KCNQ1: variants seen among roughly 807,000 people sequenced by gnomAD.
The protein encoded by KCNQ1 is potassium voltage-gated channel subfamily KQT member 1.
A neutral mutation model predicts 72.4 loss-of-function variants in KCNQ1; 49 were observed. That is an observed-to-expected ratio of 0.68 (90% confidence interval 0.54 to 0.86). KCNQ1 has a LOEUF of 0.86. Among genes scored for constraint, KCNQ1 ranks in the 40% least tolerant of loss-of-function variants. The pLI is 0.00. For synonymous variants in KCNQ1, 450 were observed against 412.6 expected (o/e 1.09, Z -1.10); for missense variants, 790 against 945.1 (o/e 0.84, Z 2.15).
Position 2,612,498 on chromosome 11 carries a change from T to G in KCNQ1, c.1393+23644T>G. The G allele has an allele frequency of 2.5e-6, 1 of 398,160 alleles. No homozygotes were observed. Among genetic ancestry groups the G allele is most frequent in the Non-Finnish European group, 4.4e-6 (1 of 226,050 alleles). 24.7% of individuals were successfully genotyped at this position (398,160 alleles called of 1,614,324 possible). A position where few individuals can be genotyped will look rare whatever the true frequency, so the allele number is the denominator to read the frequency against. The stretch of plus-strand genomic sequence containing the variant: ...TGGATCTGCGTTGAAGTTCATTGAT[T>G]CTTTCTTCTGCCAGGTCAAATTTGC... On this transcript the variant is annotated intron_variant, in intron 10 of 15. Transcript: ENST00000155840. This position sits in a 1 kb window ranked among gnomAD's most constrained non-coding sequence, Gnocchi z 5.5.
rs935245026 is a variant in KCNQ1, at chr11:2,674,175, G to C, written c.1514+12094G>C. ...AAGGGAAGGAATGTGACCAAGGCTG[G>C]GTGTGGCTGGGGAGAGCACAGCCAG... On this transcript the variant is annotated intron_variant, in intron 11 of 15. Transcript: ENST00000155840. The surrounding 1 kb of genome is among the most constrained non-coding windows in gnomAD (Gnocchi z 5.9). The C allele has an allele frequency of 2.5e-6, 1 of 398,604 alleles. No individual in the cohort carries two copies. 24.7% of individuals were successfully genotyped at this position (398,604 alleles called of 1,614,324 possible). A position where few individuals can be genotyped will look rare whatever the true frequency, so the allele number is the denominator to read the frequency against.
rs1851029796 is a variant in KCNQ1 at position 2,712,949 on chromosome 11, G to A, written c.1514+50868G>A. Among the ~76,000 whole-genome samples, 1 of 152,184 alleles carries A rather than the reference G, an allele frequency of 6.6e-6. No homozygotes were observed. The stretch of plus-strand genomic sequence containing the variant: ...GATCAGCTCCCTGGAAGACACCCGG[G>A]TTGTAAACAGGGTGGGGCAGGGGTC... On this transcript the variant is annotated intron_variant, in intron 11 of 15. Coordinates refer to ENST00000155840, the MANE Select transcript of KCNQ1 (RefSeq NM_000218.3). The surrounding 1 kb of genome is among the most constrained non-coding windows in gnomAD (Gnocchi z 6.4).
At chr11:2,821,288 A>G (rs1192307265) in intron 15 of KCNQ1, among the ~76,000 whole-genome samples, 3 of 152,240 alleles carry the variant, frequency 2.0e-5, no homozygotes, top group Admixed American at 6.5e-5. Context: ...GGGCAGGAGC[A>G]CTGCAAGCGA....
In KCNQ1 at chr11:2,464,051, C is replaced by T. The variant is rs1017001462; in HGVS notation, c.386+18567C>T. Reference sequence around the variant, plus strand: ...GTGGAAAATGGACACTGATGCTGCCCGGTGGATCCAGGCAGGGCCGGGATG... The same window carrying T: ...GTGGAAAATGGACACTGATGCTGCCTGGTGGATCCAGGCAGGGCCGGGATG... On this transcript the variant is annotated intron_variant, in intron 1 of 15. Transcript: ENST00000155840. This position sits in a 1 kb window ranked among gnomAD's most constrained non-coding sequence, Gnocchi z 5.0. Among the ~76,000 whole-genome samples the T allele has an allele frequency of 9.2e-5, 14 of 152,170 alleles. No homozygotes were observed. Among genetic ancestry groups the T allele is most frequent in the African/African-American group, 2.2e-4 (9 of 41,438 alleles).
At chr11:2,699,037 C>G (rs1020713754) in intron 11 of KCNQ1, 5 of 398,640 alleles carry the variant, frequency 1.3e-5, no homozygotes, top group East Asian at 3.6e-5. Flanking sequence ...ATTTCCGACT[C>G]CGGTCCCAAT....
intron 1 of KCNQ1, among the ~76,000 whole-genome samples, chr11:2,489,536 T>TG (rs146607573): frequency 0.2 from 30,076 of 151,588 alleles, 3,356 homozygotes; most frequent in African/African-American, 0.3. Flanking sequence ...CCAGTGGATG[T>TG]GGGGGGCACA....
rs1365809936 is a variant in KCNQ1, at chr11:2,704,247, G to A, written c.1514+42166G>A. ...CCATGTCCTTGTTCCAGAATCTTCC[G>A]CCTCCTGTGGCCTGTGTGTCGCCTG... On this transcript the variant is annotated intron_variant, in intron 11 of 15. Coordinates refer to ENST00000155840, the MANE Select transcript of KCNQ1 (RefSeq NM_000218.3). This position sits in a 1 kb window ranked among gnomAD's most constrained non-coding sequence, Gnocchi z 4.3. Among the ~76,000 whole-genome samples the A allele has an allele frequency of 2.6e-5, 4 of 152,194 alleles. No homozygotes were observed. Among genetic ancestry groups the A allele is most frequent in the Non-Finnish European group, 5.9e-5 (4 of 68,028 alleles).
At chr11:2,648,981 C>CTTTTTTTTTTTTTTTTTTTT in intron 10 of KCNQ1, 137 of 213,272 alleles carry the variant, frequency 6.4e-4, no homozygotes, top group African/African-American at 1.3e-3. Context: ...TTTTCTTTTT[C>CTTTTTTTTTTTTTTTTTTTT]TTTTTTTTTT....
In KCNQ1 at chr11:2,724,547, G is replaced by A. The variant is rs1002620574; in HGVS notation, c.1515-44297G>A. ...GCCGTGGCTGCACTGAGGGCAGAAG[G>A]GGCCTTGTCACCTAGGAAGGACCCC... On this transcript the variant is annotated intron_variant, in intron 11 of 15. Coordinates refer to ENST00000155840, the MANE Select transcript of KCNQ1 (RefSeq NM_000218.3). This position sits in a 1 kb window ranked among gnomAD's most constrained non-coding sequence, Gnocchi z 6.8. 6.6e-6 allele frequency among the ~76,000 whole-genome samples: 1 copy of A among 152,204 alleles called. No homozygotes were observed. Among genetic ancestry groups the A allele is most frequent in the African/African-American group, 2.4e-5 (1 of 41,448 alleles).
In KCNQ1 at chr11:2,817,049, C is replaced by A. The variant is rs1036177946; in HGVS notation, c.1795-30718C>A. Among the ~76,000 whole-genome samples the A allele has an allele frequency of 7.2e-5, 11 of 152,102 alleles. No homozygotes were observed. Among genetic ancestry groups the A allele is most frequent in the Non-Finnish European group, 1.3e-4 (9 of 68,002 alleles). On this transcript the variant is annotated intron_variant, in intron 15 of 15. Transcript: ENST00000155840. This position sits in a 1 kb window ranked among gnomAD's most constrained non-coding sequence, Gnocchi z 6.1. Reference sequence around the variant, plus strand: ...CAACAGAGCCCAGTGGCACTCCTGACCCCAGGAGACAGAGGGAACCCACCC... The same window carrying A: ...CAACAGAGCCCAGTGGCACTCCTGAACCCAGGAGACAGAGGGAACCCACCC...
chr11:2,578,595 A>G (rs1392346080), intron 6 of KCNQ1, among the ~76,000 whole-genome samples: 1 of 152,202 alleles, frequency 6.6e-6, no homozygotes, highest in Non-Finnish European at 1.5e-5. Flanking sequence ...GCCTCCATGA[A>G]GAGCCAGGGG....
In KCNQ1 at chr11:2,562,040, G is replaced by T. The variant is rs1848175817; in HGVS notation, c.478-8588G>T. 6.6e-6 allele frequency among the ~76,000 whole-genome samples: 1 copy of T among 152,330 alleles called. No individual in the cohort carries two copies. Among genetic ancestry groups the T allele is most frequent in the South Asian group, 2.1e-4 (1 of 4,832 alleles). On this transcript the variant is annotated intron_variant, in intron 2 of 15. Transcript: ENST00000155840. This position sits in a 1 kb window ranked among gnomAD's most constrained non-coding sequence, Gnocchi z 7.5. The stretch of plus-strand genomic sequence containing the variant: ...GACACTTGGCAGGGGAGGGGCTGTG[G>T]CAGGGCAGGGTCATGTCCCCAGCAG...
chr11:2,700,046 G>C (rs917142342), intron 11 of KCNQ1: 59 of 397,990 alleles, frequency 1.5e-4, no homozygotes, highest in Non-Finnish European at 2.2e-4. Flanking sequence ...CCGACGTGGC[G>C]ACCGCCCCCC....
intron 15 of KCNQ1, among the ~76,000 whole-genome samples, chr11:2,829,493 C>CACAGCTAAA (rs1213561033): frequency 6.6e-6 from 1 of 152,100 alleles, no homozygotes; most frequent in Non-Finnish European, 1.5e-5. Context: ...GACCACAGGA[C>CACAGCTAAA]ACAGCTAAAA....
At chr11:2,846,847 C>G (rs988588717) in intron 15 of KCNQ1, among the ~76,000 whole-genome samples, 5 of 152,264 alleles carry the variant, frequency 3.3e-5, no homozygotes, top group African/African-American at 1.2e-4. Flanking sequence ...ATCACCTACT[C>G]TCTGTGCTGG....
chr11:2,640,528 C>T (rs1280021447), intron 10 of KCNQ1: 1 of 396,734 alleles, frequency 2.5e-6, no homozygotes, highest in Non-Finnish European at 4.4e-6. Flanking sequence ...TCAAGCGATC[C>T]TTCTGCCTTG....
At chr11:2,552,780 C>G (rs1369097852) in intron 2 of KCNQ1, among the ~76,000 whole-genome samples, 1 of 151,678 alleles carries the variant, frequency 6.6e-6, no homozygotes, top group Non-Finnish European at 1.5e-5. Context: ...GTGCCTCATG[C>G]ACGTCTTAGT....
intron 11 of KCNQ1, chr11:2,666,405 A>C (rs1199467504): frequency 2.5e-6 from 1 of 398,696 alleles, no homozygotes; most frequent in African/African-American, 2.1e-5. Flanking sequence ...TTGAGCAAAA[A>C]CAGCCCCGTG....
chr11:2,601,886 C>T lies in KCNQ1; in HGVS notation c.1393+13032C>T, dbSNP rs979312664. Among the ~76,000 whole-genome samples the T allele has an allele frequency of 1.3e-5, 2 of 152,120 alleles. No homozygotes were observed. Among genetic ancestry groups the T allele is most frequent in the African/African-American group, 4.8e-5 (2 of 41,410 alleles). ...ATCAGAGTAGGCTGAACAATGGCCCCCAAAGTAGCCAGGTCCTAACGCCTA... is the reference window on the plus strand; with the variant it reads ...ATCAGAGTAGGCTGAACAATGGCCCTCAAAGTAGCCAGGTCCTAACGCCTA... On this transcript the variant is annotated intron_variant, in intron 10 of 15. Coordinates refer to ENST00000155840, the MANE Select transcript of KCNQ1 (RefSeq NM_000218.3). This position sits in a 1 kb window ranked among gnomAD's most constrained non-coding sequence, Gnocchi z 5.2.
Sources: allele counts gnomAD v4.1 joint callset (sites outside exome capture counted in the v4.1 genomes callset), GRCh38; gene constraint gnomAD v4.1.1; non-coding constraint Gnocchi (gnomAD v3.1); transcripts MANE v1.5; gene names NCBI Gene and HGNC (gene_info 2026-07-23, HGNC 2026-07-21).